Variants in SASH1 observed in about 807,000 individuals in gnomAD.
SASH1 encodes SAM and SH3 domain-containing protein 1.
SASH1 carries 44 observed loss-of-function variants against 125.2 expected under a neutral mutation model. The observed-to-expected ratio is 0.35, with a 90% CI of 0.28 to 0.45. The LOEUF is 0.45. SASH1 is among the 20% of genes least tolerant of loss of function. The probability of loss-of-function intolerance (pLI) is 1.00; values close to 1 mark genes in which losing one functional copy is unlikely to be tolerated. For missense variants in SASH1, 1,426 were observed against 1,614.5 expected (o/e 0.88, Z 2.00); for synonymous variants, 639 against 649.1 (o/e 0.98, Z 0.24).
intron 1 of SASH1, among the ~76,000 whole-genome samples, chr6:148,298,667 GAGGA>G (rs71031057): frequency 0.087 from 4,839 of 55,316 alleles, 283 homozygotes; most frequent in Middle Eastern, 0.12. Context: ...GGGAGGGAGG[GAGGA>G]AGGAAGGAAG....
the SASH1 span, among the ~76,000 whole-genome samples, chr6:148,209,899 G>A: frequency 1.3e-5 from 2 of 152,158 alleles, no homozygotes; most frequent in African/African-American, 2.4e-5. Context: ...AAGAAAGAGT[G>A]TGCTCTAAGA....
chr6:148,281,764 T>C (rs1436908743), intron 1 of SASH1, among the ~76,000 whole-genome samples: 1 of 151,774 alleles, frequency 6.6e-6, no homozygotes, highest in Non-Finnish European at 1.5e-5. Context: ...CTACTAAAAA[T>C]ACAAAAAAAT....
intron 10 of SASH1, chr6:148,524,310 A>G (rs1219777934): frequency 2.6e-5 from 4 of 151,614 alleles, no homozygotes; most frequent in Admixed American, 2.6e-4. Flanking sequence ...GGTAATACAA[A>G]ATATTGAAGC....
At chr6:148,496,424 C>T (rs1178014040) in intron 8 of SASH1, among the ~76,000 whole-genome samples, 1 of 152,168 alleles carries the variant, frequency 6.6e-6, no homozygotes, top group Non-Finnish European at 1.5e-5. Context: ...ACTTGTTTGA[C>T]TTGTAATATG....
At chr6:148,534,021 T>G (rs1187108650) in intron 15 of SASH1, 41 bp downstream of exon 15, 1 of 1,582,446 alleles carries the variant, frequency 6.3e-7, no homozygotes, top group Non-Finnish European at 8.7e-7. Context: ...ACTACCTCAC[T>G]GCCTTTTTCT....
rs372974076 is a variant in SASH1, at chr6:148,527,613, T to C, written c.1428+17T>C. The C allele has an allele frequency of 7.5e-5, 119 of 1,590,212 alleles. No homozygotes were observed. The African/African-American group carries it at 1.5e-3, about 20-fold the overall frequency. ...TCTGAGCAGGTATGCAGCTACCTGG[T>C]AGAATGTTCCCTTGGTTCTTCCTGA... On this transcript the variant is annotated intron_variant, in intron 12 of 19. Transcript: ENST00000367467.
chr6:148,458,065 T>G (rs547789091), intron 4 of SASH1, among the ~76,000 whole-genome samples: 60 of 152,214 alleles, frequency 3.9e-4, no homozygotes, highest in Non-Finnish European at 7.8e-4. Context: ...CTTCAGTGTT[T>G]AGACAATGGG....
At chr6:148,372,914 G>A (rs1255139652) in intron 1 of SASH1, among the ~76,000 whole-genome samples, 1 of 152,148 alleles carries the variant, frequency 6.6e-6, no homozygotes, top group African/African-American at 2.4e-5. Context: ...AATATAAGGG[G>A]CCGGGCACGG....
At position 148,519,468 on chromosome 6, in the gene SASH1, A is replaced by G; in HGVS notation, c.863-79A>G. 9.7e-7 allele frequency: 1 copy of G among 1,033,592 alleles called. No individual in the cohort carries two copies. The highest frequency in any genetic ancestry group is 1.5e-6 in the Non-Finnish European group (1 of 688,068). The allele number at this position is 1,033,592 out of a possible 1,614,324, so 64.0% of individuals were successfully genotyped here. On this transcript the variant is annotated intron_variant, in intron 9 of 19. Coordinates refer to ENST00000367467, the MANE Select transcript of SASH1 (RefSeq NM_015278.5). This position sits in a 1 kb window ranked among gnomAD's most constrained non-coding sequence, Gnocchi z 4.8. ...TTATAAAGAGGGTCATGATACGGAG[A>G]AAGGTGGTGAATGTAAAGAAAGATG...
At chr6:148,195,367 C>G in the SASH1 span, among the ~76,000 whole-genome samples, 1 of 152,218 alleles carries the variant, frequency 6.6e-6, no homozygotes, top group Admixed American at 6.5e-5. Flanking sequence ...GGGGACTGGG[C>G]AGAGGCCGAT....
Position 148,544,249 on chromosome 6 carries a change from T to C in SASH1, c.2779T>C (p.Cys927Arg). ...ASGRGLSPPQ[C>R]LPRNYDAQPP... is the part of the protein sequence containing the mutation. ...TGGTCGCGGCCTGTCACCCCCTCAG[T>C]GTTTGCCCAGAAACTATGATGCTCA... is the stretch of plus-strand genomic sequence containing the variant. Residue 927 changes from cysteine to arginine, a missense_variant, in exon 18 of 20, where the codon TGT (cysteine) becomes CGT (arginine). Around this residue, in one of 3 missense-constraint regions of SASH1, gnomAD observed 634 missense variants for 694.4 expected, o/e 0.91. Coordinates refer to ENST00000367467, the MANE Select transcript of SASH1 (RefSeq NM_015278.5). The surrounding 1 kb of genome is among the most constrained non-coding windows in gnomAD (Gnocchi z 6.4). 1.2e-6 allele frequency: 2 copies of C among 1,614,142 alleles called. No individual in the cohort carries two copies. Among genetic ancestry groups the C allele is most frequent in the Non-Finnish European group, 1.7e-6 (2 of 1,180,026 alleles).
chr6:148,316,651 TTTG>T, intron 1 of SASH1, among the ~76,000 whole-genome samples: 1 of 152,360 alleles, frequency 6.6e-6, no homozygotes, highest in East Asian at 1.9e-4. Context: ...AGTTAGACAT[TTTG>T]TTTTATACAC....
At chr6:148,311,318 G>A (rs7752182) in intron 1 of SASH1, among the ~76,000 whole-genome samples, 66,938 of 150,994 alleles carry the variant, frequency 0.44, 15,017 homozygotes, top group African/African-American at 0.52. Context: ...TGTTGGCCAG[G>A]CTCATCTCAA....
At chr6:148,467,718 C>A (rs1777912893) in intron 4 of SASH1, among the ~76,000 whole-genome samples, 1 of 152,174 alleles carries the variant, frequency 6.6e-6, no homozygotes, top group Non-Finnish European at 1.5e-5. Flanking sequence ...AGGAGGATTG[C>A]ATGAGGTCAG....
chr6:148,316,738 T>C (rs767602465), intron 1 of SASH1, among the ~76,000 whole-genome samples: 15 of 152,200 alleles, frequency 9.9e-5, no homozygotes, highest in Non-Finnish European at 1.8e-4. Flanking sequence ...ATTATAAATG[T>C]TTTTCAGAGC....
chr6:148,453,404 G>A (rs924659442), intron 4 of SASH1, among the ~76,000 whole-genome samples: 18 of 152,148 alleles, frequency 1.2e-4, no homozygotes, highest in African/African-American at 3.4e-4. Context: ...AGCTTAGTGC[G>A]TGCTCCCTGC....
the SASH1 span, among the ~76,000 whole-genome samples, chr6:148,228,050 A>T: frequency 6.6e-6 from 1 of 152,208 alleles, no homozygotes; most frequent in African/African-American, 2.4e-5. Context: ...AAGCTAGTAC[A>T]GACTGGTTTG....
intron 1 of SASH1, among the ~76,000 whole-genome samples, chr6:148,345,833 C>T (rs1029220738): frequency 2.0e-5 from 3 of 152,198 alleles, no homozygotes; most frequent in African/African-American, 4.8e-5. Context: ...TCGCTGGCCC[C>T]TCCAGTAGGG....
intron 1 of SASH1, among the ~76,000 whole-genome samples, chr6:148,344,619 C>T (rs1347240130): frequency 6.6e-6 from 1 of 151,876 alleles, no homozygotes; most frequent in Non-Finnish European, 1.5e-5. Context: ...ATATAATATA[C>T]CTAAATCTAA....
Sources: allele counts gnomAD v4.1 joint callset (sites outside exome capture counted in the v4.1 genomes callset), GRCh38; gene constraint gnomAD v4.1.1; regional missense constraint gnomAD v4.1.1; non-coding constraint Gnocchi (gnomAD v3.1); transcripts MANE v1.5; gene names NCBI Gene and HGNC (gene_info 2026-07-23, HGNC 2026-07-21).